HERC4: variants seen among roughly 807,000 people sequenced by gnomAD.
HERC4 encodes the protein probable E3 ubiquitin-protein ligase HERC4.
A neutral mutation model predicts 124.3 loss-of-function variants in HERC4; 28 were observed. That is an observed-to-expected ratio of 0.23 (90% CI 0.17 to 0.31). The LOEUF is 0.31. Among genes scored for constraint, HERC4 ranks in the 10% least tolerant of loss-of-function variants. HERC4 has a pLI of 1.00. For synonymous variants in HERC4, 407 were observed against 421.5 expected, an observed-to-expected ratio of 0.97 and a Z score of 0.42; for missense variants, 713 against 1,229.3, an observed-to-expected ratio of 0.58 and a Z score of 6.28.
At chr10:68,059,946 T>A (rs2040917804) in intron 3 of HERC4, among the ~76,000 whole-genome samples, 2 of 128,206 alleles carry the variant, frequency 1.6e-5, no homozygotes, top group Admixed American at 2.1e-4. Flanking sequence ...ATAATAATAT[T>A]ATATTATATT....
At position 68,014,376 on chromosome 10, in the gene HERC4, T is replaced by C. The variant is rs111484133; in HGVS notation, c.909-190A>G. Among the ~76,000 whole-genome samples the C allele has an allele frequency of 4.2e-3, 642 of 152,332 alleles. 5 individuals are homozygous for C. Among genetic ancestry groups the C allele is most frequent in the African/African-American group, 0.014 (591 of 41,578 alleles). On this transcript the variant is annotated intron_variant, in intron 8 of 24. Coordinates refer to ENST00000373700, the MANE Select transcript of HERC4 (RefSeq NM_015601.4). ...TCTATAGAATGAATTCTGCATCACA[T>C]AGACAGGCTGCACGAGCATGGTCCA...
At chr10:68,003,328 A>AT (rs34287961) in intron 9 of HERC4, among the ~76,000 whole-genome samples, 11,312 of 130,734 alleles carry the variant, frequency 0.087, 1,174 homozygotes, top group East Asian at 0.32. Flanking sequence ...TGCCTGACTA[A>AT]TTTTTTTTTT....
rs75572869 is a variant in HERC4, at chr10:68,049,017, T to C, written c.227-4454A>G. 1.5e-4 allele frequency among the ~76,000 whole-genome samples: 23 copies of C among 152,250 alleles called. No homozygotes were observed. The East Asian group carries it at 4.2e-3, about 28-fold the overall frequency. ...GGCAATATCTAACAAAACACATGCA[T>C]TCACCCTTCAGACCTAGCAATTCCA... On this transcript the variant is annotated intron_variant, in intron 3 of 24. Transcript: ENST00000373700.
intron 9 of HERC4, among the ~76,000 whole-genome samples, chr10:68,000,288 T>C (rs1252624595): frequency 6.6e-6 from 1 of 152,072 alleles, no homozygotes; most frequent in African/African-American, 2.4e-5. Context: ...CCTAAAACTT[T>C]GTATATTGGG....
At chr10:67,933,232 A>C (rs7894163) in intron 22 of HERC4, among the ~76,000 whole-genome samples, 95,231 of 151,874 alleles carry the variant, frequency 0.63, 30,698 homozygotes, top group Non-Finnish European at 0.68. Flanking sequence ...GGTTCCAAGG[A>C]ATCTGAACAA....
chr10:68,052,117 C>T (rs2040345664), intron 3 of HERC4, among the ~76,000 whole-genome samples: 1 of 151,960 alleles, frequency 6.6e-6, no homozygotes, highest in Admixed American at 6.6e-5. Flanking sequence ...AAGGAAAACA[C>T]AAGTGGAAAA....
intron 21 of HERC4, 72 bp from the exon 22 acceptor site, chr10:67,936,307 CCTTT>C (rs1248314970): frequency 8.5e-6 from 7 of 826,724 alleles, no homozygotes; most frequent in East Asian, 2.8e-5. Flanking sequence ...TTATATTCTA[CCTTT>C]CTCTCATTTA....
chr10:67,975,032 TACA>T (rs1268455918), intron 15 of HERC4, among the ~76,000 whole-genome samples: 2 of 152,094 alleles, frequency 1.3e-5, no homozygotes, highest in East Asian at 1.9e-4. Context: ...CTACTAAAAA[TACA>T]ACAATTAGCC....
chr10:67,990,224 T>C lies in HERC4; in HGVS notation c.1620A>G (p.Pro540=). The C allele has an allele frequency of 6.2e-7, 1 of 1,603,572 alleles. No individual in the cohort carries two copies. The highest frequency in any genetic ancestry group is 8.5e-7 in the Non-Finnish European group (1 of 1,176,682). ...TAGAATTCTTACCAAGTACTTTCAG[T>C]GGTGCCTTTTCTAGGTTCACAAGAG... The part of the protein sequence containing the change: ...GTALVNLEKA[P]LKVLENWWSV... The change falls in exon 14 of 25, where the codon CCA becomes CCG. Residue 540 remains proline, a synonymous_variant. Transcript: ENST00000373700.
Position 68,009,266 on chromosome 10 carries a change from T to C in HERC4, c.1069+4760A>G, listed in dbSNP as rs190059338. Among the ~76,000 whole-genome samples the C allele has an allele frequency of 3.9e-5, 6 of 152,104 alleles. No homozygotes were observed. In the East Asian group the frequency reaches 9.7e-4, roughly 25 times the overall value. ...GATGTTTATACGATACTGTAGTCCA[T>C]TGACAAGAGTTGGTTTTTCTTTTTT... On this transcript the variant is annotated intron_variant, in intron 9 of 24. Coordinates refer to ENST00000373700, the MANE Select transcript of HERC4 (RefSeq NM_015601.4).
At chr10:68,051,341 A>AT (rs34027809) in intron 3 of HERC4, among the ~76,000 whole-genome samples, 10,469 of 129,766 alleles carry the variant, frequency 0.081, 647 homozygotes, top group South Asian at 0.12. Context: ...TGTTAACACT[A>AT]TTTTTTTTTT....
At chr10:68,006,076 T>C (rs989696119) in intron 9 of HERC4, among the ~76,000 whole-genome samples, 2 of 152,212 alleles carry the variant, frequency 1.3e-5, no homozygotes, top group African/African-American at 2.4e-5. Flanking sequence ...CACTTTATCA[T>C]CTTTTCCCCT....
intron 3 of HERC4, among the ~76,000 whole-genome samples, chr10:68,050,192 C>CAAAAACAA (rs1243502545): frequency 3.3e-5 from 5 of 151,974 alleles, no homozygotes; most frequent in Non-Finnish European, 7.4e-5. Context: ...GACCCTTTCT[C>CAAAAACAA]AAAAACAAAA....
intron 24 of HERC4, among the ~76,000 whole-genome samples, chr10:67,923,733 T>G (rs1473071501): frequency 6.6e-6 from 1 of 151,800 alleles, no homozygotes; most frequent in Non-Finnish European, 1.5e-5. Flanking sequence ...TTTATAGAGA[T>G]GAGGTTTTGC....
chr10:67,939,482 G>T, intron 21 of HERC4, 106 bp downstream of exon 21: 1 of 703,826 alleles, frequency 1.4e-6, no homozygotes, highest in Non-Finnish European at 2.4e-6. Flanking sequence ...TAGCTAAAGG[G>T]TTCTTTAAGA....
At chr10:67,964,449 T>C (rs1005991219) in intron 16 of HERC4, among the ~76,000 whole-genome samples, 7 of 152,152 alleles carry the variant, frequency 4.6e-5, no homozygotes, top group Admixed American at 1.3e-4. Context: ...AAGATTCCCT[T>C]TTATCTCCAA....
At chr10:67,955,458 CA>C (rs747242850) in intron 17 of HERC4, 2 of 191,624 alleles carry the variant, frequency 1.0e-5, no homozygotes, top group Non-Finnish European at 2.1e-5. Context: ...GAGGGAGGAG[CA>C]AAAACAAACC....
chr10:68,059,461 T>C (rs948408536), intron 3 of HERC4, among the ~76,000 whole-genome samples: 7 of 133,054 alleles, frequency 5.3e-5, no homozygotes, highest in Non-Finnish European at 1.1e-4. Flanking sequence ...TATATTATAA[T>C]AATATTATAT....
At chr10:67,927,488 C>T (rs1205129881) in intron 23 of HERC4, among the ~76,000 whole-genome samples, 2 of 116,848 alleles carry the variant, frequency 1.7e-5, no homozygotes, top group Non-Finnish European at 3.8e-5. Flanking sequence ...TACAGTGGCA[C>T]GATCTTGGCT....
Sources: gnomAD v4.1 joint callset for allele counts (sites outside exome capture counted in the v4.1 genomes callset) on GRCh38, gnomAD v4.1.1 for gene constraint, MANE v1.5 for transcripts, NCBI Gene and HGNC (gene_info 2026-07-23, HGNC 2026-07-21) for gene names.